The following PDE10A variants were observed in gnomAD, a reference collection of about 807,000 sequenced individuals.
PDE10A encodes phosphodiesterase 10A, also known as cAMP and cAMP-inhibited cGMP 3',5'-cyclic phosphodiesterase 10A.
A neutral mutation model predicts 97.7 loss-of-function variants in PDE10A; 39 were observed. That is an observed-to-expected ratio of 0.40 (90% CI 0.31 to 0.52). The LOEUF (loss-of-function observed/expected upper bound fraction) is 0.52. Ranked by LOEUF, PDE10A falls within the 20% of genes least tolerant of loss-of-function variation. The probability of loss-of-function intolerance (pLI) is 0.56; values close to 1 mark genes in which losing one functional copy is unlikely to be tolerated. For synonymous variants in PDE10A, 371 were observed against 376.8 expected, an observed-to-expected ratio of 0.98 and a Z score of 0.18; for missense variants, 731 against 1,047.8, an observed-to-expected ratio of 0.70 and a Z score of 4.17.
intron 1 of PDE10A, among the ~76,000 whole-genome samples, chr6:165,645,853 CAAA>C (rs57923490): frequency 9.9e-6 from 1 of 101,210 alleles, no homozygotes; most frequent in Non-Finnish European, 2.0e-5. Flanking sequence ...GACTCCATCT[CAAA>C]AAAAAAAAAA....
At chr6:165,624,446 T>C (rs533234926) in intron 1 of PDE10A, among the ~76,000 whole-genome samples, 2 of 152,378 alleles carry the variant, frequency 1.3e-5, no homozygotes, top group African/African-American at 4.8e-5. Context: ...AGACAAAACT[T>C]TGAATGTAAT....
Position 165,786,628 on chromosome 6 carries a change from A to G in PDE10A, c.-615+200901T>C, listed in dbSNP as rs1358936537. ...TGTTTTGCATTAATGAGGCTGATGA[A>G]TCTCACCACATGGCACTTCAGCTTG... On this transcript the variant is annotated intron_variant, in intron 1 of 19. Coordinates refer to the PDE10A transcript ENST00000366882. Among the ~76,000 whole-genome samples, 3 of 152,318 alleles carry G rather than the reference A, an allele frequency of 2.0e-5. No homozygotes were observed. In the East Asian group the frequency reaches 5.8e-4, roughly 29 times the overall value.
In PDE10A at chr6:165,336,706, G is replaced by A. The variant is rs373138160; in HGVS notation, c.2977-495C>T. Among the ~76,000 whole-genome samples the A allele has an allele frequency of 2.0e-3, 279 of 138,824 alleles. 2 individuals are homozygous for A. The highest frequency in any genetic ancestry group is 0.014 in the Middle Eastern group (3 of 210). The allele number at this position is 138,824 out of a possible 152,430, so 91.1% of individuals were successfully genotyped here. ...GGAGCTTGCAGTGAGCCGAGATTGC[G>A]CCACTGCAGTCCGCAGTCCGGCCTG... On this transcript the variant is annotated intron_variant, in intron 20 of 21. Transcript: ENST00000539869.
intron 1 of PDE10A, among the ~76,000 whole-genome samples, chr6:165,925,776 G>A (rs1381128444): frequency 6.6e-6 from 1 of 152,220 alleles, no homozygotes; most frequent in Non-Finnish European, 1.5e-5. Flanking sequence ...GGAGACTAGT[G>A]ATAGAATTGT....
intron 18 of PDE10A, among the ~76,000 whole-genome samples, chr6:165,359,584 AT>A (rs1783251998): frequency 6.6e-6 from 1 of 152,048 alleles, no homozygotes; most frequent in Non-Finnish European, 1.5e-5. Flanking sequence ...CTTAAAATCA[AT>A]TTTTGTTTAA....
chr6:165,734,083 T>G lies in PDE10A; in HGVS notation c.-614-190515A>C, dbSNP rs1184103491. Among the ~76,000 whole-genome samples the G allele has an allele frequency of 2.0e-5, 3 of 151,956 alleles. No individual in the cohort carries two copies. The East Asian group carries it at 5.8e-4, about 29-fold the overall frequency. The stretch of plus-strand genomic sequence containing the variant: ...GAAGGGCTCCATTCCCCAGGAAAAA[T>G]GAACGTAGAAGGACCCATCTGCTGG... On this transcript the variant is annotated intron_variant, in intron 1 of 19. Coordinates refer to the PDE10A transcript ENST00000366882.
intron 1 of PDE10A, among the ~76,000 whole-genome samples, chr6:165,872,142 T>G (rs1277457854): frequency 6.6e-6 from 1 of 152,264 alleles, no homozygotes; most frequent in Non-Finnish European, 1.5e-5. Context: ...AACAACTTAG[T>G]ACATGTTTCT....
chr6:165,592,230 G>GGT lies in PDE10A; in HGVS notation c.866-48664_866-48663dup, dbSNP rs148939581. On this transcript the variant is annotated intron_variant, in intron 1 of 21. Coordinates refer to ENST00000539869, the MANE Select transcript of PDE10A (RefSeq NM_001385079.1). ...GGAAAGGATTCCTTATTTAATAAAT[G>GGT]GTGTAGGGAAAACTGGCTAGCCATA... Among the ~76,000 whole-genome samples, 3,815 of 152,232 alleles carry GGT rather than the reference G, an allele frequency of 0.025. 255 individuals are homozygous for GGT. In the East Asian group the frequency reaches 0.3, roughly 12 times the overall value.
intron 1 of PDE10A, among the ~76,000 whole-genome samples, chr6:165,759,615 A>G (rs1297018378): frequency 6.6e-6 from 1 of 152,216 alleles, no homozygotes; most frequent in African/African-American, 2.4e-5. Context: ...GGCTTAACAC[A>G]CTGCAGTGAA....
chr6:165,480,559 G>A (rs1315313874), intron 3 of PDE10A, among the ~76,000 whole-genome samples: 1 of 152,058 alleles, frequency 6.6e-6, no homozygotes, highest in Non-Finnish European at 1.5e-5. Flanking sequence ...ACTTCAGCCT[G>A]GGTGATGAAC....
At chr6:165,934,431 C>T (rs1166908024) in intron 1 of PDE10A, among the ~76,000 whole-genome samples, 1 of 152,032 alleles carries the variant, frequency 6.6e-6, no homozygotes, top group Admixed American at 6.6e-5. Flanking sequence ...TTGGCTTCAT[C>T]CTTCAACTTG....
chr6:165,743,836 A>G (rs1792784455), intron 1 of PDE10A, among the ~76,000 whole-genome samples: 1 of 152,248 alleles, frequency 6.6e-6, no homozygotes, highest in Non-Finnish European at 1.5e-5. Flanking sequence ...TTCGTTTTGT[A>G]GATTAAAAGA....
intron 1 of PDE10A, among the ~76,000 whole-genome samples, chr6:165,561,711 C>A (rs1405167277): frequency 2.0e-5 from 3 of 152,112 alleles, no homozygotes; most frequent in African/African-American, 7.2e-5. Flanking sequence ...CCTGGCCTAA[C>A]CAAATGAGTC....
intron 18 of PDE10A, among the ~76,000 whole-genome samples, chr6:165,347,261 G>A (rs905527639): frequency 2.0e-5 from 3 of 151,870 alleles, no homozygotes; most frequent in Non-Finnish European, 2.9e-5. Flanking sequence ...CAGTTTTTCT[G>A]AAAGTATTAT....
At chr6:165,397,038 T>A (rs1719671032) in intron 13 of PDE10A, among the ~76,000 whole-genome samples, 2 of 152,214 alleles carry the variant, frequency 1.3e-5, no homozygotes. Flanking sequence ...CAGGTTTGCA[T>A]TCGTCAGTCA....
intron 1 of PDE10A, among the ~76,000 whole-genome samples, chr6:165,622,434 A>G (rs1480034270): frequency 6.6e-6 from 1 of 152,228 alleles, no homozygotes; most frequent in African/African-American, 2.4e-5. Context: ...GCTTTATGCT[A>G]TAGACTACTG....
chr6:165,423,465 C>T (rs970750790), intron 10 of PDE10A, among the ~76,000 whole-genome samples: 3 of 152,150 alleles, frequency 2.0e-5, no homozygotes, highest in South Asian at 2.1e-4. Context: ...TGCAGGTCTG[C>T]GGTGCCCAGG....
At position 165,346,826 on chromosome 6, in the gene PDE10A, CTT is replaced by C. The variant is rs532252711; in HGVS notation, c.2784-3326_2784-3325del. Among the ~76,000 whole-genome samples, 42 of 152,246 alleles carry C rather than the reference CTT, an allele frequency of 2.8e-4. 1 individual carries two copies. The South Asian group carries it at 3.9e-3, about 14-fold the overall frequency. The stretch of plus-strand genomic sequence containing the variant: ...ATTTTATAATGATTATTTGAAATTT[CTT>C]TTGAATTTCTGTATTCAAAAGTATA... On this transcript the variant is annotated intron_variant, in intron 18 of 21. Coordinates refer to ENST00000539869, the MANE Select transcript of PDE10A (RefSeq NM_001385079.1).
At chr6:165,425,131 G>A (rs764133178) in intron 10 of PDE10A, among the ~76,000 whole-genome samples, 2 of 152,010 alleles carry the variant, frequency 1.3e-5, no homozygotes, top group Non-Finnish European at 2.9e-5. Context: ...CTCTACTATT[G>A]TGCATTATAA....
Sources: gnomAD v4.1 joint callset for allele counts (sites outside exome capture counted in the v4.1 genomes callset) on GRCh38, gnomAD v4.1.1 for gene constraint, MANE v1.5 for transcripts, NCBI Gene and HGNC (gene_info 2026-07-23, HGNC 2026-07-21) for gene names.